Variants in LNX1 observed in about 807,000 individuals in gnomAD.
LNX1 encodes the protein ligand of numb-protein X 1, also known as E3 ubiquitin-protein ligase LNX.
LNX1 carries 54 observed loss-of-function variants against 68.4 expected under a neutral mutation model. The ratio of observed to expected loss-of-function variants is 0.79; its 90% CI spans 0.63 to 0.99. The LOEUF is 0.99. Ranked by LOEUF, LNX1 falls within the 50% of genes least tolerant of loss-of-function variation. The pLI is 0.00. For synonymous variants in LNX1, 336 were observed against 350.0 expected (o/e 0.96, Z 0.45); for missense variants, 906 against 926.4 (o/e 0.98, Z 0.29).
chr4:53,506,856 T>TAAAAAAA (rs59260730), intron 4 of LNX1, among the ~76,000 whole-genome samples: 5,973 of 53,760 alleles, frequency 0.11, 705 homozygotes, highest in Non-Finnish European at 0.15. Context: ...AAACTCTGTC[T>TAAAAAAA]AAAAAAAAAA....
intron 2 of LNX1, among the ~76,000 whole-genome samples, chr4:53,608,236 T>C (rs777708029): frequency 1.3e-5 from 2 of 152,048 alleles, no homozygotes; most frequent in African/African-American, 2.4e-5. Flanking sequence ...ATGTCTAATA[T>C]CCAGAATCTA....
chr4:53,572,754 G>A lies in LNX1; in HGVS notation c.380+869C>T, dbSNP rs188505825. ...ACAGGTGATGTCAGCCATCAGCAGC[G>A]GCAATCACACCAGAATTCTGCCACC... On this transcript the variant is annotated intron_variant, in intron 2 of 10. Transcript: ENST00000263925. Among the ~76,000 whole-genome samples the A allele has an allele frequency of 4.6e-5, 7 of 152,296 alleles. No individual in the cohort carries two copies. The East Asian group carries it at 5.8e-4, about 13-fold the overall frequency.
intron 2 of LNX1, among the ~76,000 whole-genome samples, chr4:53,601,384 G>A (rs9784410): frequency 0.33 from 50,659 of 151,940 alleles, 8,720 homozygotes; most frequent in East Asian, 0.52. Flanking sequence ...TCTGCCCAGG[G>A]GGTGGACAGG....
chr4:53,574,493 T>TATCTTTCTTCCCCATCTTTCTCCC (rs1731365947), intron 1 of LNX1, among the ~76,000 whole-genome samples: 1 of 152,236 alleles, frequency 6.6e-6, no homozygotes, highest in African/African-American at 2.4e-5. Flanking sequence ...GGCTTTCTCT[T>TATCTTTCTTCCCCATCTTTCTCCC]ATCTTTCTTC....
intron 4 of LNX1, among the ~76,000 whole-genome samples, chr4:53,501,450 A>G (rs561304582): frequency 6.6e-6 from 1 of 151,890 alleles, no homozygotes; most frequent in South Asian, 2.1e-4. Flanking sequence ...ACCATGTCCC[A>G]CTAATTTCAT....
intron 9 of LNX1, among the ~76,000 whole-genome samples, chr4:53,469,967 G>T (rs548360282): frequency 2.6e-5 from 4 of 152,150 alleles, no homozygotes; most frequent in Non-Finnish European, 5.9e-5. Flanking sequence ...TAGAAAAAGA[G>T]GGAATCCTCC....
At chr4:53,576,213 C>T (rs1217571609) in intron 1 of LNX1, 2 of 1,599,202 alleles carry the variant, frequency 1.3e-6, no homozygotes, top group Admixed American at 1.7e-5. Flanking sequence ...CCACCAGTGC[C>T]CTGGCTCGCT....
chr4:53,460,896 C>T lies in LNX1; in HGVS notation c.*11G>A, dbSNP rs779641005. ...GTGATTTTTCTGTTTTCCTCTGACC[C>T]ATCATTGATTCTATAAAAAAGTGCC... is the stretch of plus-strand genomic sequence containing the variant. On this transcript the variant is annotated 3_prime_UTR_variant, in exon 11 of 11. Transcript: ENST00000263925. 1.2e-6 allele frequency: 2 copies of T among 1,605,542 alleles called. No homozygotes were observed. The highest frequency in any genetic ancestry group is 1.1e-5 in the South Asian group (1 of 88,874).
At chr4:53,564,235 G>T (rs17083046) in intron 2 of LNX1, among the ~76,000 whole-genome samples, 1,749 of 152,284 alleles carry the variant, frequency 0.011, 30 homozygotes, top group African/African-American at 0.039. Context: ...TGGGCTAAGG[G>T]TGAATGAAAT....
Position 53,536,332 on chromosome 4 carries a change from C to CTTT in LNX1, c.381-28106_381-28105insAAA, listed in dbSNP as rs1204716686. ...GAATGAACAGATTCTCACTCCACAT[C>CTTT]TTCAAGAGGGGACTTTTACACAAAC... On this transcript the variant is annotated intron_variant, in intron 2 of 10. Coordinates refer to ENST00000263925, the MANE Select transcript of LNX1 (RefSeq NM_001126328.3). 3.3e-5 allele frequency among the ~76,000 whole-genome samples: 5 copies of CTTT among 151,358 alleles called. No homozygotes were observed. In the East Asian group the frequency reaches 9.7e-4, roughly 29 times the overall value.
intron 9 of LNX1, among the ~76,000 whole-genome samples, chr4:53,467,712 G>A (rs1388855115): frequency 5.3e-5 from 8 of 152,304 alleles, no homozygotes; most frequent in African/African-American, 7.2e-5. Flanking sequence ...CTCAGTAGCC[G>A]ATGCGATCAA....
rs572567233 is a variant in LNX1 at position 53,565,341 on chromosome 4, C to T, written c.380+8282G>A. Among the ~76,000 whole-genome samples the T allele has an allele frequency of 9.2e-5, 14 of 152,224 alleles. No individual in the cohort carries two copies. The East Asian group carries it at 2.7e-3, about 29-fold the overall frequency. On this transcript the variant is annotated intron_variant, in intron 2 of 10. Transcript: ENST00000263925. ...CCCTCCTCAAGTGGGTCCCTGACCC[C>T]TGACCCCCGAGCAGCCTAACTGGGA...
At chr4:53,581,301 A>G (rs1731822172) in intron 1 of LNX1, among the ~76,000 whole-genome samples, 1 of 152,216 alleles carries the variant, frequency 6.6e-6, no homozygotes, top group Non-Finnish European at 1.5e-5. Flanking sequence ...CATGAAGAGT[A>G]GGTATATCAA....
In LNX1 at chr4:53,507,379, C is replaced by T; in HGVS notation, c.713G>A (p.Ser238Asn). Residue 238 changes from serine (S) to asparagine (N), a missense_variant, in exon 4 of 11, where the codon AGT (serine) becomes AAT (asparagine). By Grantham distance (46) the Ser-to-Asn change is conservative. Coordinates refer to ENST00000263925, the MANE Select transcript of LNX1 (RefSeq NM_001126328.3). ...CTGGTCGGCATGGTTGGCAACTGCACTCCCGCTCTTTGTCCTTCGAAGAAC... is the reference window on the plus strand; with the variant it reads ...CTGGTCGGCATGGTTGGCAACTGCATTCCCGCTCTTTGTCCTTCGAAGAAC... ...LSVLRRTKSG[S>N]AVANHADQGR... 1 of 1,614,164 alleles carries T rather than the reference C, an allele frequency of 6.2e-7. No homozygotes were observed. Among genetic ancestry groups the T allele is most frequent in the Non-Finnish European group, 8.5e-7 (1 of 1,180,034 alleles).
chr4:53,585,709 A>G (rs1437854310), intron 1 of LNX1, among the ~76,000 whole-genome samples: 1 of 152,190 alleles, frequency 6.6e-6, no homozygotes, highest in East Asian at 1.9e-4. Flanking sequence ...AGGAATGTCT[A>G]GAGCTACTAG....
At chr4:53,641,661 C>G (rs1292456686) in intron 1 of LNX1, among the ~76,000 whole-genome samples, 1 of 152,172 alleles carries the variant, frequency 6.6e-6, no homozygotes, top group Non-Finnish European at 1.5e-5. Flanking sequence ...TTTTCTTTCT[C>G]TTTGTAATCT....
chr4:53,576,860 C>A (rs1731522448), intron 1 of LNX1, among the ~76,000 whole-genome samples: 1 of 152,178 alleles, frequency 6.6e-6, no homozygotes, highest in Admixed American at 6.5e-5. Flanking sequence ...GCAAACATAG[C>A]CTTATCTCAA....
chr4:53,519,904 C>T (rs1390934684), intron 2 of LNX1, among the ~76,000 whole-genome samples: 3 of 152,166 alleles, frequency 2.0e-5, no homozygotes, highest in African/African-American at 4.8e-5. Flanking sequence ...ATTCTTGAGA[C>T]GTGGGATTTT....
intron 2 of LNX1, chr4:53,558,343 G>T (rs1205140786): frequency 3.1e-6 from 3 of 953,022 alleles, no homozygotes; most frequent in East Asian, 8.4e-5. Flanking sequence ...GTTAAAATGT[G>T]TTGGAAGAGG....
Sources: gnomAD v4.1 joint callset for allele counts (sites outside exome capture counted in the v4.1 genomes callset) on GRCh38, gnomAD v4.1.1 for gene constraint, MANE v1.5 for transcripts, NCBI Gene and HGNC (gene_info 2026-07-23, HGNC 2026-07-21) for gene names.